Variants in MACROD2 observed in about 807,000 individuals in gnomAD.
The protein encoded by MACROD2 is ADP-ribose glycohydrolase MACROD2.
Under a neutral mutation model 70.4 loss-of-function variants are expected in MACROD2, and 36 were observed. The ratio of observed to expected loss-of-function variants is 0.51; its 90% CI spans 0.39 to 0.68. The LOEUF (loss-of-function observed/expected upper bound fraction) is 0.68, where lower values mean the gene tolerates loss of function less well. Among genes scored for constraint, MACROD2 ranks in the 30% least tolerant of loss-of-function variants. MACROD2 has a pLI of 0.00. For missense variants in MACROD2, 496 were observed against 538.4 expected (o/e 0.92, Z 0.78); for synonymous variants, 172 against 178.8 (o/e 0.96, Z 0.30).
chr20:14,112,467 C>T (rs1004743708), intron 3 of MACROD2, among the ~76,000 whole-genome samples: 3 of 151,948 alleles, frequency 2.0e-5, no homozygotes, highest in African/African-American at 7.2e-5. Flanking sequence ...TAACATATTT[C>T]ATGTACTCCA....
chr20:15,268,888 C>G (rs906559633), intron 6 of MACROD2, among the ~76,000 whole-genome samples: 1 of 152,158 alleles, frequency 6.6e-6, no homozygotes, highest in African/African-American at 2.4e-5. Context: ...AAACAGTCTT[C>G]TCCCCAGACT....
At chr20:15,592,917 A>G (rs533329303) in intron 8 of MACROD2, among the ~76,000 whole-genome samples, 8 of 152,276 alleles carry the variant, frequency 5.3e-5, no homozygotes, top group East Asian at 3.9e-4. Context: ...TAAGAAGCAA[A>G]TATTACATTG....
At chr20:15,891,084 G>A (rs1450002626) in intron 10 of MACROD2, among the ~76,000 whole-genome samples, 1 of 152,176 alleles carries the variant, frequency 6.6e-6, no homozygotes, top group East Asian at 1.9e-4. Context: ...ACATACAAGT[G>A]ATGTGTTTGA....
chr20:15,590,959 A>AAAAG (rs146525368), intron 8 of MACROD2, among the ~76,000 whole-genome samples: 63,445 of 149,282 alleles, frequency 0.43, 15,532 homozygotes, highest in Admixed American at 0.54. Flanking sequence ...GAAAGAAAGA[A>AAAAG]AAAGAAAGAA....
chr20:15,104,648 T>TA (rs143174307), intron 5 of MACROD2, among the ~76,000 whole-genome samples: 2,891 of 152,280 alleles, frequency 0.019, 97 homozygotes, highest in African/African-American at 0.066. Context: ...TCGTTGTTGA[T>TA]ACGCCCATAT....
intron 15 of MACROD2, among the ~76,000 whole-genome samples, chr20:16,000,155 A>T (rs756863309): frequency 4.6e-5 from 7 of 152,176 alleles, no homozygotes; most frequent in Non-Finnish European, 1.0e-4. Context: ...CTTTATAGAA[A>T]AATACTGCTG....
chr20:14,983,944 A>C (rs974499353), intron 5 of MACROD2, among the ~76,000 whole-genome samples: 3 of 152,218 alleles, frequency 2.0e-5, no homozygotes, highest in African/African-American at 7.2e-5. Context: ...GGAATAGACT[A>C]GTACCTTTGA....
At chr20:15,128,099 T>C (rs1249728356) in intron 5 of MACROD2, among the ~76,000 whole-genome samples, 1 of 152,046 alleles carries the variant, frequency 6.6e-6, no homozygotes, top group African/African-American at 2.4e-5. Context: ...TTAACTGAAG[T>C]TGGGTGTCCA....
chr20:14,782,252 T>TA (rs2072311215), intron 5 of MACROD2, among the ~76,000 whole-genome samples: 1 of 152,044 alleles, frequency 6.6e-6, no homozygotes, highest in East Asian at 1.9e-4. Flanking sequence ...TTGCTTTCAC[T>TA]AAAAAAATAA....
chr20:14,977,252 T>G (rs2074748107), intron 5 of MACROD2, among the ~76,000 whole-genome samples: 1 of 151,564 alleles, frequency 6.6e-6, no homozygotes, highest in South Asian at 2.1e-4. Flanking sequence ...TCAGCAAATC[T>G]TCACCAGACT....
chr20:15,771,558 T>G (rs1245932170), intron 8 of MACROD2, among the ~76,000 whole-genome samples: 1 of 151,452 alleles, frequency 6.6e-6, no homozygotes, highest in Non-Finnish European at 1.5e-5. Flanking sequence ...AAAAAAAAAG[T>G]TAGAAAGCAG....
intron 8 of MACROD2, among the ~76,000 whole-genome samples, chr20:15,856,208 A>T (rs1371517647): frequency 6.6e-6 from 1 of 152,050 alleles, no homozygotes; most frequent in Non-Finnish European, 1.5e-5. Context: ...ACAATACTTG[A>T]TATTGTCTTT....
chr20:14,805,660 C>T (rs2072630014), intron 5 of MACROD2, among the ~76,000 whole-genome samples: 1 of 152,068 alleles, frequency 6.6e-6, no homozygotes, highest in Non-Finnish European at 1.5e-5. Flanking sequence ...TTTTAAACTC[C>T]ATGTTCTCAA....
intron 9 of MACROD2, among the ~76,000 whole-genome samples, chr20:15,883,222 G>A (rs1046709583): frequency 2.0e-5 from 3 of 151,978 alleles, no homozygotes; most frequent in Non-Finnish European, 4.4e-5. Flanking sequence ...CCCAGAAACT[G>A]TAGAGACTCT....
chr20:14,862,214 T>TTTATACATAA (rs1410063188), intron 5 of MACROD2, among the ~76,000 whole-genome samples: 3 of 15,556 alleles, frequency 1.9e-4, no homozygotes, highest in Admixed American at 1.2e-3. Context: ...TAAATATATA[T>TTTATACATAA]ATATATAAAT....
chr20:15,255,502 C>G (rs1218334055), intron 6 of MACROD2, among the ~76,000 whole-genome samples: 1 of 152,070 alleles, frequency 6.6e-6, no homozygotes, highest in Non-Finnish European at 1.5e-5. Flanking sequence ...ATTAGGTTGA[C>G]ATTTACATGG....
At chr20:14,814,391 A>T (rs962467423) in intron 5 of MACROD2, among the ~76,000 whole-genome samples, 3 of 152,084 alleles carry the variant, frequency 2.0e-5, no homozygotes, top group East Asian at 1.9e-4. Context: ...CAGTTTTTTT[A>T]AAAAATAAAA....
At chr20:14,390,377 G>A (rs2083513610) in intron 3 of MACROD2, among the ~76,000 whole-genome samples, 1 of 152,072 alleles carries the variant, frequency 6.6e-6, no homozygotes, top group Admixed American at 6.6e-5. Flanking sequence ...ATTCTTCACA[G>A]AACTAGAAAA....
At chr20:15,173,146 GA>G (rs1430185001) in intron 5 of MACROD2, among the ~76,000 whole-genome samples, 33 of 151,680 alleles carry the variant, frequency 2.2e-4, no homozygotes, top group Non-Finnish European at 4.1e-4. Context: ...ATAAATCTAT[GA>G]AAATTAATTT....
Sources: allele counts gnomAD v4.1 joint callset (sites outside exome capture counted in the v4.1 genomes callset), GRCh38; gene constraint gnomAD v4.1.1; transcripts MANE v1.5; gene names NCBI Gene and HGNC (gene_info 2026-07-23, HGNC 2026-07-21).